The following KCNK2 variants were observed in gnomAD, a reference collection of about 807,000 sequenced individuals.
KCNK2 encodes potassium two pore domain channel subfamily K member 2, also known as potassium channel subfamily K member 2.
Under a neutral mutation model 40.5 loss-of-function variants are expected in KCNK2, and 21 were observed. That is an observed-to-expected ratio of 0.52 (90% CI 0.37 to 0.75). The LOEUF (loss-of-function observed/expected upper bound fraction) is 0.75. Among genes scored for constraint, KCNK2 ranks in the 30% least tolerant of loss-of-function variants. The probability of loss-of-function intolerance (pLI) is 0.00; values close to 1 mark genes in which losing one functional copy is unlikely to be tolerated. For synonymous variants in KCNK2, 191 were observed against 202.2 expected (o/e 0.94, Z 0.47); for missense variants, 399 against 531.6 (o/e 0.75, Z 2.45).
intron 3 of KCNK2, among the ~76,000 whole-genome samples, chr1:215,149,805 T>C (rs1281737121): frequency 6.6e-6 from 1 of 152,194 alleles, no homozygotes; most frequent in Non-Finnish European, 1.5e-5. Flanking sequence ...GAAGGCCACA[T>C]TGAAAAGCTG....
At chr1:215,013,952 A>G (rs1656495366) in intron 1 of KCNK2, among the ~76,000 whole-genome samples, 1 of 152,138 alleles carries the variant, frequency 6.6e-6, no homozygotes, top group African/African-American at 2.4e-5. Context: ...GTACTATGCC[A>G]AATAGGAGTT....
At chr1:215,130,239 A>G (rs753543264) in intron 3 of KCNK2, among the ~76,000 whole-genome samples, 2 of 152,154 alleles carry the variant, frequency 1.3e-5, no homozygotes, top group Non-Finnish European at 2.9e-5. Flanking sequence ...AAAATCCCCT[A>G]AATGATGGAG....
At chr1:215,034,436 A>G (rs1437826419) in intron 1 of KCNK2, among the ~76,000 whole-genome samples, 3 of 152,148 alleles carry the variant, frequency 2.0e-5, no homozygotes, top group South Asian at 2.1e-4. Context: ...TCTTGGTTCA[A>G]TAGTAAGAAT....
At chr1:215,196,979 T>C (rs1664891576) in intron 6 of KCNK2, among the ~76,000 whole-genome samples, 1 of 152,192 alleles carries the variant, frequency 6.6e-6, no homozygotes, top group Admixed American at 6.5e-5. Flanking sequence ...AAGTATTGTT[T>C]TGCGATACAC....
chr1:215,223,850 C>G (rs1175530712), intron 6 of KCNK2, among the ~76,000 whole-genome samples: 2 of 151,888 alleles, frequency 1.3e-5, no homozygotes, highest in Admixed American at 6.6e-5. Flanking sequence ...GATTTCAAAG[C>G]TCACAGGTAG....
At chr1:215,209,340 A>T (rs1558139837) in intron 6 of KCNK2, among the ~76,000 whole-genome samples, 1 of 94,944 alleles carries the variant, frequency 1.1e-5, no homozygotes, top group South Asian at 2.8e-4. Context: ...TTATATATAT[A>T]ATATATATAT....
chr1:215,038,729 G>A (rs1657466440), intron 1 of KCNK2, among the ~76,000 whole-genome samples: 1 of 152,048 alleles, frequency 6.6e-6, no homozygotes. Flanking sequence ...AATAATAAAT[G>A]TGTATGATTA....
At chr1:215,230,528 T>TACACATAACAGCC (rs1553276493) in intron 6 of KCNK2, among the ~76,000 whole-genome samples, 85 of 87,964 alleles carry the variant, frequency 9.7e-4, no homozygotes, top group Admixed American at 1.2e-3. Context: ...TATATATATA[T>TACACATAACAGCC]ATATGTATAT....
At chr1:215,144,310 C>T (rs1359463395) in intron 3 of KCNK2, among the ~76,000 whole-genome samples, 3 of 151,838 alleles carry the variant, frequency 2.0e-5, no homozygotes, top group African/African-American at 7.3e-5. Flanking sequence ...AATCGATGCC[C>T]CTTAATGGTT....
At chr1:215,153,966 T>C (rs903340387) in intron 3 of KCNK2, among the ~76,000 whole-genome samples, 3 of 152,326 alleles carry the variant, frequency 2.0e-5, no homozygotes, top group Middle Eastern at 6.8e-3. Context: ...GGTATGTATG[T>C]ACCACATTTT....
intron 1 of KCNK2, among the ~76,000 whole-genome samples, chr1:215,023,213 A>T (rs558396655): frequency 2.8e-4 from 43 of 151,928 alleles, no homozygotes; most frequent in Middle Eastern, 3.4e-3. Context: ...TATTATTATT[A>T]TTTTTTTTGT....
At chr1:215,209,798 A>G (rs867643465) in intron 6 of KCNK2, among the ~76,000 whole-genome samples, 1 of 63,424 alleles carries the variant, frequency 1.6e-5, no homozygotes, top group East Asian at 4.7e-4. Context: ...TTATATATAA[A>G]ATATATAATA....
chr1:215,029,086 C>A lies in KCNK2; in HGVS notation c.34+23131C>A, dbSNP rs1657095547. On this transcript the variant is annotated intron_variant, in intron 1 of 6. Coordinates refer to the KCNK2 transcript ENST00000391895. ...GAAAAGCTTCCCGCAATATCAACAT[C>A]CCCCACCAGAGTTTTTTTAAAATTG... 2.0e-5 allele frequency among the ~76,000 whole-genome samples: 3 copies of A among 151,924 alleles called. No homozygotes were observed. The South Asian group carries it at 6.2e-4, about 32-fold the overall frequency.
At chr1:215,231,509 T>C (rs1666666309) in intron 6 of KCNK2, among the ~76,000 whole-genome samples, 1 of 152,124 alleles carries the variant, frequency 6.6e-6, no homozygotes, top group Admixed American at 6.6e-5. Flanking sequence ...ACCAACTCTA[T>C]AGGGACGATT....
chr1:215,116,152 A>C (rs1660930081), intron 2 of KCNK2, among the ~76,000 whole-genome samples: 1 of 152,042 alleles, frequency 6.6e-6, no homozygotes, highest in African/African-American at 2.4e-5. Context: ...ACTATGTTAA[A>C]TGTAGCTACT....
At chr1:215,071,774 T>G (rs957860629) in intron 1 of KCNK2, among the ~76,000 whole-genome samples, 4 of 152,174 alleles carry the variant, frequency 2.6e-5, no homozygotes, top group African/African-American at 4.8e-5. Flanking sequence ...CTGCTTCTTC[T>G]GTAATGTACC....
At position 215,093,102 on chromosome 1, in the gene KCNK2, C is replaced by T. The variant is rs1008543282; in HGVS notation, c.357+6424C>T. ...ATATAGAAGCTATTTAAAATCAAGA[C>T]GCTGGATAAAAACATCTGGGGAATG... On this transcript the variant is annotated intron_variant, in intron 2 of 6. Transcript: ENST00000444842. 6.6e-5 allele frequency among the ~76,000 whole-genome samples: 10 copies of T among 151,876 alleles called. No homozygotes were observed. The East Asian group carries it at 7.7e-4, about 12-fold the overall frequency.
intron 2 of KCNK2, among the ~76,000 whole-genome samples, chr1:215,111,965 T>C (rs1405233544): frequency 6.6e-6 from 1 of 151,242 alleles, no homozygotes. Context: ...GTGCGTTCTC[T>C]GGACTTGTGC....
chr1:215,014,214 T>C (rs185401632), intron 1 of KCNK2, among the ~76,000 whole-genome samples: 110 of 152,230 alleles, frequency 7.2e-4, no homozygotes, highest in African/African-American at 2.6e-3. Flanking sequence ...ATGATATTGA[T>C]TGAATTTTGA....
Sources: allele counts gnomAD v4.1 joint callset (sites outside exome capture counted in the v4.1 genomes callset), GRCh38; gene constraint gnomAD v4.1.1; transcripts MANE v1.5; gene names NCBI Gene and HGNC (gene_info 2026-07-23, HGNC 2026-07-21).